GALNT9: variants seen among roughly 807,000 people sequenced by gnomAD.
The protein encoded by GALNT9 is polypeptide N-acetylgalactosaminyltransferase 9, also known as GalNAc transferase 9.
A neutral mutation model predicts 63.1 loss-of-function variants in GALNT9; 47 were observed. The ratio of observed to expected loss-of-function variants is 0.75; its 90% CI spans 0.59 to 0.95. The LOEUF (loss-of-function observed/expected upper bound fraction) is 0.95. Ranked by LOEUF, GALNT9 falls within the 40% of genes least tolerant of loss-of-function variation. The probability of loss-of-function intolerance (pLI) is 0.00; values close to 1 mark genes in which losing one functional copy is unlikely to be tolerated. For synonymous variants in GALNT9, 396 were observed against 365.7 expected, an observed-to-expected ratio of 1.08 and a Z score of -0.94; for missense variants, 829 against 874.8, an observed-to-expected ratio of 0.95 and a Z score of 0.66.
intron 6 of GALNT9, among the ~76,000 whole-genome samples, chr12:132,209,718 C>T (rs1446595682): frequency 2.6e-5 from 4 of 152,290 alleles, no homozygotes; most frequent in Admixed American, 6.5e-5. Context: ...GCCATGGGAA[C>T]GTCAGGAAGT....
chr12:132,257,637 C>T, intron 5 of GALNT9, 52 bp downstream of exon 5: 1 of 1,428,356 alleles, frequency 7.0e-7, no homozygotes, highest in East Asian at 2.5e-5. Context: ...CCTCGCTCTG[C>T]TCCGCTCCTT....
At chr12:132,302,539 T>C (rs1881338654) in intron 1 of GALNT9, among the ~76,000 whole-genome samples, 1 of 152,228 alleles carries the variant, frequency 6.6e-6, no homozygotes, top group Admixed American at 6.5e-5. Context: ...TCACGGAGCG[T>C]CTGCTAAATT....
chr12:132,198,859 C>T (rs1445042963), intron 9 of GALNT9, among the ~76,000 whole-genome samples: 1 of 152,178 alleles, frequency 6.6e-6, no homozygotes, highest in Non-Finnish European at 1.5e-5. Flanking sequence ...GCCACGCTGC[C>T]CAGACTGGTC....
intron 4 of GALNT9, among the ~76,000 whole-genome samples, chr12:132,259,377 G>A (rs782053623): frequency 2.0e-4 from 31 of 152,344 alleles, no homozygotes; most frequent in African/African-American, 6.0e-4. Context: ...CAACGTGTGC[G>A]ACTGCATGGG....
rs372956669 is a variant in GALNT9, at chr12:132,197,075, C to T, written c.*32G>A. 12 of 1,611,266 alleles carry T rather than the reference C, an allele frequency of 7.4e-6. No homozygotes were observed. The highest frequency in any genetic ancestry group is 4.5e-5 in the East Asian group (2 of 44,860). On this transcript the variant is annotated 3_prime_UTR_variant, in exon 11 of 11. Transcript: ENST00000328957. ...ACACTGGCTCGGCCCAGCGCCTTCC[C>T]GAGGTCTGTGGGGGTCCGGGCGGAG...
At chr12:132,284,030 C>T (rs1880473280) in intron 2 of GALNT9, 2 of 152,346 alleles carry the variant, frequency 1.3e-5, no homozygotes, top group East Asian at 1.9e-4. Context: ...AGATTTCACC[C>T]CCAAATTCAG....
chr12:132,220,119 C>T (rs1045278102), intron 6 of GALNT9, among the ~76,000 whole-genome samples: 2 of 152,166 alleles, frequency 1.3e-5, no homozygotes, highest in Admixed American at 6.5e-5. Context: ...GGCAGCTGGA[C>T]GTGGTGGCTC....
chr12:132,308,990 G>C (rs1466684422), intron 1 of GALNT9, among the ~76,000 whole-genome samples: 5 of 152,228 alleles, frequency 3.3e-5, no homozygotes, highest in Non-Finnish European at 5.9e-5. Context: ...GTGCCCGGGA[G>C]GACGCTGACA....
At chr12:132,204,186 C>T (rs1018022096) in intron 6 of GALNT9, among the ~76,000 whole-genome samples, 5 of 152,184 alleles carry the variant, frequency 3.3e-5, no homozygotes, top group Non-Finnish European at 2.9e-5. Context: ...AATAAAACCC[C>T]GCAGCCCCTG....
intron 1 of GALNT9, among the ~76,000 whole-genome samples, chr12:132,291,598 ACACCACCCACC>A (rs1555242773): frequency 1.0e-5 from 1 of 96,900 alleles, no homozygotes; most frequent in Non-Finnish European, 2.1e-5. Context: ...GCCCACATCC[ACACCACCCACC>A]TCCACAGCAC....
intron 2 of GALNT9, among the ~76,000 whole-genome samples, chr12:132,266,726 G>C (rs577495966): frequency 6.6e-6 from 1 of 152,328 alleles, no homozygotes; most frequent in Admixed American, 6.5e-5. Flanking sequence ...TTGTTACAGT[G>C]TCCACAGGAG....
intron 6 of GALNT9, among the ~76,000 whole-genome samples, chr12:132,225,635 C>G (rs1565992586): frequency 6.8e-6 from 1 of 146,490 alleles, no homozygotes; most frequent in East Asian, 2.1e-4. Flanking sequence ...CAACCCACAC[C>G]CCACACACTG....
chr12:132,198,656 G>A (rs1013183419), intron 9 of GALNT9, among the ~76,000 whole-genome samples: 1 of 152,112 alleles, frequency 6.6e-6, no homozygotes, highest in Non-Finnish European at 1.5e-5. Context: ...CCAAAGGCCT[G>A]GTTCCTTTTT....
Position 132,246,168 on chromosome 12 carries a change from A to G in GALNT9, c.1077+1742T>C, listed in dbSNP as rs1274343203. On this transcript the variant is annotated intron_variant, in intron 6 of 10. Coordinates refer to ENST00000328957, the MANE Select transcript of GALNT9 (RefSeq NM_001122636.2). The surrounding 1 kb of genome is among the most constrained non-coding windows in gnomAD (Gnocchi z 4.7). ...CCGACCCGCCAAGGTCTGGTGTTTA[A>G]CAATCACAGCAGTTAAGGGAAGTCA... Among the ~76,000 whole-genome samples, 1 of 152,236 alleles carries G rather than the reference A, an allele frequency of 6.6e-6. No individual in the cohort carries two copies. The highest frequency in any genetic ancestry group is 1.5e-5 in the Non-Finnish European group (1 of 68,038).
At chr12:132,281,671 A>G (rs940101404) in intron 2 of GALNT9, among the ~76,000 whole-genome samples, 1 of 152,226 alleles carries the variant, frequency 6.6e-6, no homozygotes, top group African/African-American at 2.4e-5. Flanking sequence ...CACTTCTGCC[A>G]GACTTTATCT....
At chr12:132,248,242 G>A (rs1878789609) in intron 5 of GALNT9, among the ~76,000 whole-genome samples, 2 of 152,246 alleles carry the variant, frequency 1.3e-5, no homozygotes. Context: ...CCTCAGCCCA[G>A]ACAGCGTCCA....
At chr12:132,230,545 T>C (rs909779486) in intron 6 of GALNT9, among the ~76,000 whole-genome samples, 41 of 151,054 alleles carry the variant, frequency 2.7e-4, no homozygotes, top group African/African-American at 8.8e-4. Flanking sequence ...CTGGCCCTCG[T>C]GGCGGGGGAG....
rs140580354 is a variant in GALNT9, at chr12:132,200,888, G to A, written c.1401+236C>T. On this transcript the variant is annotated intron_variant, in intron 8 of 10. Coordinates refer to ENST00000328957, the MANE Select transcript of GALNT9 (RefSeq NM_001122636.2). ...GACATGTGGGTCTGCAGGTGCGTGT[G>A]TTTATGTGAACCTGCACCTTGTGTG... 3.6e-4 allele frequency: 194 copies of A among 540,508 alleles called. 1 individual carries two copies. Among genetic ancestry groups the A allele is most frequent in the African/African-American group, 3.2e-3 (168 of 52,314 alleles). 33.5% of individuals were successfully genotyped at this position (540,508 alleles called of 1,614,324 possible).
chr12:132,290,494 G>A (rs1254853476), intron 1 of GALNT9, among the ~76,000 whole-genome samples: 1 of 152,164 alleles, frequency 6.6e-6, no homozygotes, highest in Non-Finnish European at 1.5e-5. Context: ...CAGCACAGGA[G>A]GAGGAAGCAG....
Sources: gnomAD v4.1 joint callset for allele counts (sites outside exome capture counted in the v4.1 genomes callset) on GRCh38, gnomAD v4.1.1 for gene constraint, Gnocchi (gnomAD v3.1) non-coding constraint, MANE v1.5 for transcripts, NCBI Gene and HGNC (gene_info 2026-07-23, HGNC 2026-07-21) for gene names.